MAPK10: variants seen among roughly 807,000 people sequenced by gnomAD.
The protein encoded by MAPK10 is mitogen-activated protein kinase 10, also known as JNK3 alpha protein kinase.
In MAPK10, 25 loss-of-function variants were observed where a neutral mutation model predicts 59.3. The ratio of observed to expected loss-of-function variants is 0.42; its 90% CI spans 0.31 to 0.59. The LOEUF (loss-of-function observed/expected upper bound fraction) is 0.59. Among genes scored for constraint, MAPK10 ranks in the 20% least tolerant of loss-of-function variants. MAPK10 has a pLI of 0.15. For synonymous variants in MAPK10, 190 were observed against 200.5 expected, an observed-to-expected ratio of 0.95 and a Z score of 0.44; for missense variants, 351 against 568.9, an observed-to-expected ratio of 0.62 and a Z score of 3.90.
intron 4 of MAPK10, among the ~76,000 whole-genome samples, chr4:86,136,700 T>G (rs993912224): frequency 2.0e-5 from 3 of 150,868 alleles, no homozygotes; most frequent in African/African-American, 7.4e-5. Flanking sequence ...ACTTTAAATG[T>G]AAATGGACTA....
At chr4:86,270,246 A>C (rs2094391776) in intron 2 of MAPK10, among the ~76,000 whole-genome samples, 1 of 152,070 alleles carries the variant, frequency 6.6e-6, no homozygotes, top group African/African-American at 2.4e-5. Context: ...AACACATGAA[A>C]TAAAGAGATT....
At chr4:86,554,797 T>C (rs1192315494) in intron 1 of MAPK10, among the ~76,000 whole-genome samples, 1 of 152,214 alleles carries the variant, frequency 6.6e-6, no homozygotes, top group Non-Finnish European at 1.5e-5. Flanking sequence ...CTAGCTGCCC[T>C]ATAAAAGCCA....
At chr4:86,124,385 A>G (rs1388183957) in intron 4 of MAPK10, 1 of 152,004 alleles carries the variant, frequency 6.6e-6, no homozygotes, top group Non-Finnish European at 1.5e-5. Flanking sequence ...ATACTTTAAC[A>G]TAGCAATCGG....
intron 2 of MAPK10, among the ~76,000 whole-genome samples, chr4:86,197,767 G>T (rs1407835433): frequency 6.6e-6 from 1 of 152,104 alleles, no homozygotes; most frequent in African/African-American, 2.4e-5. Flanking sequence ...AGACTGAAAG[G>T]ATAAGAATAT....
chr4:86,395,341 A>T (rs1742770009), intron 1 of MAPK10, among the ~76,000 whole-genome samples: 1 of 152,236 alleles, frequency 6.6e-6, no homozygotes, highest in Non-Finnish European at 1.5e-5. Context: ...TTTTCTCCTT[A>T]TAATTCCTAT....
chr4:86,394,250 C>T (rs964523364), intron 1 of MAPK10, among the ~76,000 whole-genome samples: 1 of 151,454 alleles, frequency 6.6e-6, no homozygotes. Flanking sequence ...GCCTGGGCAA[C>T]ACAGCAAGAC....
At chr4:86,406,352 C>T (rs1203061381) in intron 1 of MAPK10, among the ~76,000 whole-genome samples, 2 of 152,128 alleles carry the variant, frequency 1.3e-5, no homozygotes, top group Non-Finnish European at 2.9e-5. Flanking sequence ...AGTCCAAGAA[C>T]CACTAGCTTA....
chr4:86,249,541 C>A (rs898729348), intron 2 of MAPK10, among the ~76,000 whole-genome samples: 2 of 152,050 alleles, frequency 1.3e-5, no homozygotes, highest in Non-Finnish European at 2.9e-5. Flanking sequence ...GGAAAGAGAA[C>A]TTTAAAAAAT....
intron 2 of MAPK10, among the ~76,000 whole-genome samples, chr4:86,218,826 C>T (rs997867714): frequency 3.3e-5 from 5 of 152,126 alleles, no homozygotes; most frequent in Non-Finnish European, 5.9e-5. Context: ...CACTCTATCT[C>T]CCAGTCACTT....
chr4:86,451,166 T>C (rs1198875733), intron 1 of MAPK10, among the ~76,000 whole-genome samples: 1 of 152,188 alleles, frequency 6.6e-6, no homozygotes, highest in Non-Finnish European at 1.5e-5. Flanking sequence ...AGATTCTGTT[T>C]GTAGAGTCCT....
intron 2 of MAPK10, among the ~76,000 whole-genome samples, chr4:86,322,356 A>G (rs751389855): frequency 6.6e-6 from 1 of 152,360 alleles, no homozygotes; most frequent in Admixed American, 6.5e-5. Context: ...GCTAGCATAC[A>G]TTCTGCAGAG....
At chr4:86,216,264 A>C (rs1251567997) in intron 2 of MAPK10, among the ~76,000 whole-genome samples, 1 of 145,596 alleles carries the variant, frequency 6.9e-6, no homozygotes, top group South Asian at 2.1e-4. Context: ...TGCTATATAT[A>C]TATATATAGC....
intron 1 of MAPK10, among the ~76,000 whole-genome samples, chr4:86,516,617 C>A (rs992246162): frequency 2.7e-5 from 4 of 149,892 alleles, no homozygotes; most frequent in Non-Finnish European, 6.0e-5. Flanking sequence ...TAGGTATATT[C>A]CTAAGGGTTT....
At chr4:86,336,947 C>T (rs569884000) in intron 2 of MAPK10, among the ~76,000 whole-genome samples, 31 of 152,022 alleles carry the variant, frequency 2.0e-4, no homozygotes, top group Admixed American at 5.9e-4. Flanking sequence ...CCCGCCACCG[C>T]GCCTGCTAAT....
chr4:86,274,171 T>G (rs887130520), intron 2 of MAPK10, among the ~76,000 whole-genome samples: 1 of 152,048 alleles, frequency 6.6e-6, no homozygotes, highest in African/African-American at 2.4e-5. Flanking sequence ...CCCAAGATTG[T>G]CATATAAATT....
intron 2 of MAPK10, among the ~76,000 whole-genome samples, chr4:86,237,360 GGTATATACCCA>G (rs1032167306): frequency 4.6e-5 from 7 of 151,934 alleles, no homozygotes; most frequent in Non-Finnish European, 1.0e-4. Context: ...TATTCCTTTG[GGTATATACCCA>G]GTAATGAGAT....
At chr4:86,060,271 C>G (rs1051811878) in intron 11 of MAPK10, among the ~76,000 whole-genome samples, 1 of 152,170 alleles carries the variant, frequency 6.6e-6, no homozygotes, top group Non-Finnish European at 1.5e-5. Context: ...TTTGGCTGAA[C>G]TCACATCTCC....
At chr4:86,339,369 T>C (rs546489533) in intron 2 of MAPK10, among the ~76,000 whole-genome samples, 116 of 152,334 alleles carry the variant, frequency 7.6e-4, no homozygotes, top group Non-Finnish European at 1.3e-3. Flanking sequence ...GGCTTCATTT[T>C]CACACACACC....
At chr4:86,076,361 G>C (rs576697514) in intron 9 of MAPK10, among the ~76,000 whole-genome samples, 1 of 152,152 alleles carries the variant, frequency 6.6e-6, no homozygotes, top group Non-Finnish European at 1.5e-5. Flanking sequence ...CTTCTGCGTC[G>C]CTCACGCTGG....
Sources: gnomAD v4.1 joint callset for allele counts (sites outside exome capture counted in the v4.1 genomes callset) on GRCh38, gnomAD v4.1.1 for gene constraint, MANE v1.5 for transcripts, NCBI Gene and HGNC (gene_info 2026-07-23, HGNC 2026-07-21) for gene names.